The following CCSER1 variants were observed in gnomAD, a reference collection of about 807,000 sequenced individuals.
The protein encoded by CCSER1 is serine-rich coiled-coil domain-containing protein 1.
In CCSER1, 41 loss-of-function variants were observed where a neutral mutation model predicts 82.0. That is an observed-to-expected ratio of 0.50 (90% CI 0.39 to 0.65). The LOEUF (loss-of-function observed/expected upper bound fraction) is 0.65. CCSER1 is among the 30% of genes least tolerant of loss of function. CCSER1 has a pLI of 0.00. For missense variants in CCSER1, 1,119 were observed against 1,064.2 expected (o/e 1.05, Z -0.72); for synonymous variants, 414 against 383.9 (o/e 1.08, Z -0.92).
intron 10 of CCSER1, among the ~76,000 whole-genome samples, chr4:91,150,426 C>T (rs145794978): frequency 3.9e-5 from 6 of 152,290 alleles, no homozygotes; most frequent in African/African-American, 1.4e-4. Flanking sequence ...CATCTGCAAA[C>T]AGGGACAATT....
At chr4:91,176,075 A>G (rs754519253) in intron 10 of CCSER1, among the ~76,000 whole-genome samples, 2 of 152,196 alleles carry the variant, frequency 1.3e-5, no homozygotes, top group African/African-American at 2.4e-5. Context: ...ATTTGTTTAG[A>G]TAGGGAATCC....
At chr4:91,313,574 T>C (rs1473410238) in intron 10 of CCSER1, among the ~76,000 whole-genome samples, 1 of 152,004 alleles carries the variant, frequency 6.6e-6, no homozygotes, top group African/African-American at 2.4e-5. Context: ...CCCTTGACTC[T>C]TGTCTGGCCT....
intron 10 of CCSER1, among the ~76,000 whole-genome samples, chr4:91,442,353 C>CA (rs991981976): frequency 2.4e-4 from 36 of 151,948 alleles, no homozygotes; most frequent in Non-Finnish European, 3.7e-4. Context: ...ACAAACCTGA[C>CA]AAAAACAAGC....
At chr4:91,125,350 A>G (rs10028857) in intron 10 of CCSER1, among the ~76,000 whole-genome samples, 23,410 of 151,596 alleles carry the variant, frequency 0.15, 2,109 homozygotes, top group African/African-American at 0.22. Flanking sequence ...TTTTATTTTT[A>G]GTAGTATGGA....
chr4:90,208,968 G>A (rs778728862), intron 1 of CCSER1, among the ~76,000 whole-genome samples: 4 of 152,114 alleles, frequency 2.6e-5, no homozygotes, highest in Non-Finnish European at 5.9e-5. Flanking sequence ...GCCAGCCACC[G>A]AGTGCCAAAC....
At chr4:91,316,902 G>T (rs1266864926) in intron 10 of CCSER1, among the ~76,000 whole-genome samples, 2 of 151,952 alleles carry the variant, frequency 1.3e-5, no homozygotes, top group Non-Finnish European at 2.9e-5. Flanking sequence ...GAGGTGAACG[G>T]GGATAAAAGG....
At chr4:90,712,903 CTT>C (rs199959503) in intron 6 of CCSER1, among the ~76,000 whole-genome samples, 20 of 133,454 alleles carry the variant, frequency 1.5e-4, no homozygotes, top group Non-Finnish European at 8.1e-5. Context: ...TCCTTCGTCT[CTT>C]TTTTTTTTTT....
At chr4:90,163,146 GCTTT>G (rs1729773856) in intron 1 of CCSER1, among the ~76,000 whole-genome samples, 2 of 151,852 alleles carry the variant, frequency 1.3e-5, no homozygotes, top group Admixed American at 1.3e-4. Flanking sequence ...TTAAATTTAT[GCTTT>G]CTTATACATA....
intron 10 of CCSER1, among the ~76,000 whole-genome samples, chr4:91,352,642 T>C (rs1748556886): frequency 6.6e-6 from 1 of 152,232 alleles, no homozygotes; most frequent in Non-Finnish European, 1.5e-5. Flanking sequence ...TTGCCTATAC[T>C]GTATAAAACC....
intron 10 of CCSER1, among the ~76,000 whole-genome samples, chr4:91,589,019 T>G (rs147310695): frequency 0.01 from 1,588 of 151,966 alleles, 12 homozygotes; most frequent in Middle Eastern, 0.021. Context: ...TTACTTGTAT[T>G]GTTTGTACTA....
chr4:90,623,113 C>T (rs903507112), intron 5 of CCSER1, among the ~76,000 whole-genome samples: 4 of 147,292 alleles, frequency 2.7e-5, no homozygotes, highest in Admixed American at 6.9e-5. Context: ...CTGCAAGCTT[C>T]GCCCCCCAGG....
chr4:91,118,389 G>A (rs551282330), intron 10 of CCSER1, among the ~76,000 whole-genome samples: 3 of 149,180 alleles, frequency 2.0e-5, no homozygotes, highest in Admixed American at 6.8e-5. Context: ...ATCTTCACAC[G>A]TCAGCCTCCT....
chr4:90,360,620 G>T (rs944485179), intron 3 of CCSER1, among the ~76,000 whole-genome samples: 1 of 149,150 alleles, frequency 6.7e-6, no homozygotes, highest in Non-Finnish European at 1.5e-5. Context: ...CATGGGATGC[G>T]TCCAAGGGAG....
At chr4:90,959,708 C>T (rs1222042742) in intron 9 of CCSER1, among the ~76,000 whole-genome samples, 2 of 137,894 alleles carry the variant, frequency 1.5e-5, no homozygotes, top group Admixed American at 1.5e-4. Flanking sequence ...AAAGAGACTT[C>T]TGCATCCTGT....
At chr4:91,517,316 G>C (rs1760181893) in intron 10 of CCSER1, among the ~76,000 whole-genome samples, 1 of 152,122 alleles carries the variant, frequency 6.6e-6, no homozygotes, top group Non-Finnish European at 1.5e-5. Context: ...CCTTCCATAT[G>C]ATGTTGGGTG....
At chr4:90,700,986 A>T (rs1010465848) in intron 6 of CCSER1, among the ~76,000 whole-genome samples, 1 of 152,032 alleles carries the variant, frequency 6.6e-6, no homozygotes, top group Non-Finnish European at 1.5e-5. Flanking sequence ...TCTTTAGTTT[A>T]GTTAGATCCC....
chr4:90,249,470 A>G (rs180732696), intron 1 of CCSER1, among the ~76,000 whole-genome samples: 216 of 152,216 alleles, frequency 1.4e-3, no homozygotes, highest in African/African-American at 4.5e-3. Context: ...AAGAAATGCA[A>G]TTCTTATTAG....
chr4:91,480,307 G>T (rs1038409456), intron 10 of CCSER1, among the ~76,000 whole-genome samples: 1 of 152,172 alleles, frequency 6.6e-6, no homozygotes, highest in Middle Eastern at 3.2e-3. Flanking sequence ...AGATCCCTAA[G>T]GAATCACCAC....
intron 10 of CCSER1, among the ~76,000 whole-genome samples, chr4:91,230,697 A>G (rs1298090769): frequency 1.3e-5 from 2 of 151,964 alleles, no homozygotes; most frequent in African/African-American, 2.4e-5. Context: ...CAATATTTTT[A>G]TATTATTCAA....
Sources: allele counts gnomAD v4.1 joint callset (sites outside exome capture counted in the v4.1 genomes callset), GRCh38; gene constraint gnomAD v4.1.1; transcripts MANE v1.5; gene names NCBI Gene and HGNC (gene_info 2026-07-23, HGNC 2026-07-21).